CAMK2D: variants seen among roughly 807,000 people sequenced by gnomAD.
The protein encoded by CAMK2D is calcium/calmodulin dependent protein kinase II delta.
Under a neutral mutation model 84.0 loss-of-function variants are expected in CAMK2D, and 37 were observed. That is an observed-to-expected ratio of 0.44 (90% confidence interval 0.34 to 0.58). CAMK2D has a LOEUF of 0.58. Among genes scored for constraint, CAMK2D ranks in the 20% least tolerant of loss-of-function variants. CAMK2D has a pLI of 0.02. For missense variants in CAMK2D, 448 were observed against 652.5 expected, an observed-to-expected ratio of 0.69 and a Z score of 3.41; for synonymous variants, 202 against 212.5, an observed-to-expected ratio of 0.95 and a Z score of 0.43.
intron 2 of CAMK2D, among the ~76,000 whole-genome samples, chr4:113,695,810 T>C (rs1308742908): frequency 6.6e-6 from 1 of 152,106 alleles, no homozygotes; most frequent in Non-Finnish European, 1.5e-5. Context: ...CTAAGACAGA[T>C]AACATTATCC....
intron 4 of CAMK2D, among the ~76,000 whole-genome samples, chr4:113,578,031 G>A (rs941475854): frequency 6.6e-6 from 1 of 152,144 alleles, no homozygotes; most frequent in African/African-American, 2.4e-5. Flanking sequence ...TGCAGAATCT[G>A]GCTGAGTATT....
intron 3 of CAMK2D, among the ~76,000 whole-genome samples, chr4:113,610,507 A>G (rs2098995574): frequency 6.6e-6 from 1 of 152,256 alleles, no homozygotes; most frequent in South Asian, 2.1e-4. Context: ...GCCCAGGCTC[A>G]TAGACTTAAC....
intron 3 of CAMK2D, among the ~76,000 whole-genome samples, chr4:113,616,411 T>C (rs1295180025): frequency 6.6e-6 from 1 of 152,180 alleles, no homozygotes; most frequent in African/African-American, 2.4e-5. Context: ...GTTTAGATTA[T>C]CTTCAATATC....
chr4:113,672,517 C>A (rs1030061413), intron 2 of CAMK2D, among the ~76,000 whole-genome samples: 5 of 151,976 alleles, frequency 3.3e-5, no homozygotes, highest in African/African-American at 1.2e-4. Context: ...TAAGATGTTT[C>A]GGTTTAAGTA....
chr4:113,690,683 C>T (rs1251359065), intron 2 of CAMK2D, among the ~76,000 whole-genome samples: 2 of 152,194 alleles, frequency 1.3e-5, no homozygotes, highest in Non-Finnish European at 2.9e-5. Context: ...AAAAATATCT[C>T]ATGCTTTCTT....
intron 17 of CAMK2D, among the ~76,000 whole-genome samples, chr4:113,461,965 G>T (rs928887304): frequency 2.0e-5 from 3 of 152,126 alleles, no homozygotes; most frequent in Admixed American, 2.0e-4. Flanking sequence ...TAAAGATGAT[G>T]GGGGCAAGGA....
chr4:113,734,456 TTC>T (rs1362479210), intron 2 of CAMK2D, among the ~76,000 whole-genome samples: 2 of 152,218 alleles, frequency 1.3e-5, no homozygotes, highest in Non-Finnish European at 2.9e-5. Flanking sequence ...TTTTACATTG[TTC>T]TCTTTTATTC....
chr4:113,511,981 T>C (rs2098220665), intron 12 of CAMK2D, among the ~76,000 whole-genome samples: 1 of 152,198 alleles, frequency 6.6e-6, no homozygotes, highest in African/African-American at 2.4e-5. Flanking sequence ...TGATGGATTA[T>C]TACCTGATAA....
At chr4:113,512,146 C>A (rs1189603763) in intron 12 of CAMK2D, among the ~76,000 whole-genome samples, 1 of 152,130 alleles carries the variant, frequency 6.6e-6, no homozygotes, top group Non-Finnish European at 1.5e-5. Context: ...GTCTAAAGGG[C>A]CAAAGGTTAC....
chr4:113,759,474 T>C, intron 1 of CAMK2D, 60 bp from the exon 2 acceptor site: 1 of 1,045,230 alleles, frequency 9.6e-7, no homozygotes, highest in Non-Finnish European at 1.4e-6. Flanking sequence ...ATTAAAAATT[T>C]ATAAAATCTG....
chr4:113,560,759 G>C (rs1342766462), intron 4 of CAMK2D, among the ~76,000 whole-genome samples: 1 of 152,144 alleles, frequency 6.6e-6, no homozygotes, highest in East Asian at 1.9e-4. Context: ...GCTGCATCTT[G>C]TCACTTATTG....
intron 3 of CAMK2D, among the ~76,000 whole-genome samples, chr4:113,615,728 G>A (rs1036163956): frequency 1.3e-5 from 2 of 151,910 alleles, no homozygotes; most frequent in Non-Finnish European, 2.9e-5. Flanking sequence ...AATATAGACA[G>A]GTATAGATAC....
chr4:113,677,105 G>C (rs140994878), intron 2 of CAMK2D, among the ~76,000 whole-genome samples: 1 of 152,110 alleles, frequency 6.6e-6, no homozygotes, highest in Non-Finnish European at 1.5e-5. Context: ...AATACTAATC[G>C]CTCCTCTGTC....
chr4:113,531,733 T>C (rs2098459672), intron 7 of CAMK2D, among the ~76,000 whole-genome samples: 1 of 152,176 alleles, frequency 6.6e-6, no homozygotes, highest in African/African-American at 2.4e-5. Flanking sequence ...TATGTACTTG[T>C]AACTGGCAAC....
At chr4:113,704,882 G>A (rs1277769290) in intron 2 of CAMK2D, among the ~76,000 whole-genome samples, 1 of 151,896 alleles carries the variant, frequency 6.6e-6, no homozygotes, top group East Asian at 1.9e-4. Flanking sequence ...CAAGCTGCCT[G>A]AATAAAGTAA....
chr4:113,751,618 A>C (rs1484429652), intron 2 of CAMK2D, among the ~76,000 whole-genome samples: 3 of 151,916 alleles, frequency 2.0e-5, no homozygotes, highest in Non-Finnish European at 4.4e-5. Flanking sequence ...AAAAATGCAA[A>C]AATTAGCCAG....
intron 2 of CAMK2D, among the ~76,000 whole-genome samples, chr4:113,700,767 C>T (rs2099415302): frequency 6.6e-6 from 1 of 152,132 alleles, no homozygotes. Context: ...CAAGAATAGG[C>T]TCAGCTGTGT....
rs1485014642 is a variant in CAMK2D at position 113,454,069 on chromosome 4, G to A, written c.*476C>T. On this transcript the variant is annotated 3_prime_UTR_variant, in exon 21 of 21. Transcript: ENST00000511664. Reference sequence around the variant, plus strand: ...AGGATCACACCAGGAAACTGAAGGTGTATTTTTTTTTTACCTTAAAAAAAA... The same window carrying A: ...AGGATCACACCAGGAAACTGAAGGTATATTTTTTTTTTACCTTAAAAAAAA... 8.5e-6 allele frequency: 1 copy of A among 117,310 alleles called. No individual in the cohort carries two copies. Among genetic ancestry groups the A allele is most frequent in the Non-Finnish European group, 1.7e-5 (1 of 57,148 alleles). The allele number at this position is 117,310 out of a possible 1,614,324, so 7.3% of individuals were successfully genotyped here. A position where few individuals can be genotyped will look rare whatever the true frequency, so the allele number is the denominator to read the frequency against.
chr4:113,496,377 T>C (rs2097930987), intron 16 of CAMK2D, among the ~76,000 whole-genome samples: 1 of 151,982 alleles, frequency 6.6e-6, no homozygotes, highest in East Asian at 1.9e-4. Flanking sequence ...TTTTTTCTTA[T>C]ATAGGATGGG....
Sources: gnomAD v4.1 joint callset for allele counts (sites outside exome capture counted in the v4.1 genomes callset) on GRCh38, gnomAD v4.1.1 for gene constraint, MANE v1.5 for transcripts, NCBI Gene and HGNC (gene_info 2026-07-23, HGNC 2026-07-21) for gene names.